PLCL1: variants seen among roughly 807,000 people sequenced by gnomAD.
PLCL1 encodes phospholipase C like 1 (inactive).
A neutral mutation model predicts 84.4 loss-of-function variants in PLCL1; 41 were observed. That is an observed-to-expected ratio of 0.49 (90% CI 0.38 to 0.63). The LOEUF (loss-of-function observed/expected upper bound fraction) is 0.63, where lower values mean the gene tolerates loss of function less well. Ranked by LOEUF, PLCL1 falls within the 30% of genes least tolerant of loss-of-function variation. The probability of loss-of-function intolerance (pLI) is 0.00; values close to 1 mark genes in which losing one functional copy is unlikely to be tolerated. For missense variants in PLCL1, 1,206 were observed against 1,367.8 expected (o/e 0.88, Z 1.87); for synonymous variants, 490 against 488.3 (o/e 1.00, Z -0.05).
chr2:198,085,439 G>A lies in PLCL1; in HGVS notation c.1922G>A (p.Arg641Lys). ...AATTATAATAAGAAGTTCTTATCAA[G>A]AATCTATCCAAGTGCCATGAGGATC... ...FVNYNKKFLS[R>K]IYPSAMRIDS... The change falls in exon 2 of 6, where the codon AGA becomes AAA. Residue 641 changes from arginine (R) to lysine (K), a missense_variant. Transcript: ENST00000428675. The surrounding 1 kb of genome is among the most constrained non-coding windows in gnomAD (Gnocchi z 5.3). 1 of 1,613,394 alleles carries A rather than the reference G, an allele frequency of 6.2e-7. No individual in the cohort carries two copies. Among genetic ancestry groups the A allele is most frequent in the Non-Finnish European group, 8.5e-7 (1 of 1,179,436 alleles).
chr2:197,932,255 C>G (rs1007202663), intron 1 of PLCL1, among the ~76,000 whole-genome samples: 1 of 152,172 alleles, frequency 6.6e-6, no homozygotes, highest in African/African-American at 2.4e-5. Context: ...TTTTCTTCAG[C>G]TTGTGATGGT....
At chr2:197,806,686 T>A (rs186209936) in intron 1 of PLCL1, among the ~76,000 whole-genome samples, 286 of 152,344 alleles carry the variant, frequency 1.9e-3, no homozygotes, top group Non-Finnish European at 3.2e-3. Context: ...AACCCACAGG[T>A]CAGAAAGCAC....
At chr2:198,142,310 G>A (rs1275725515) in intron 5 of PLCL1, among the ~76,000 whole-genome samples, 1 of 152,084 alleles carries the variant, frequency 6.6e-6, no homozygotes, top group East Asian at 1.9e-4. Context: ...AGTATATTAA[G>A]TGTTCAGTAA....
intron 5 of PLCL1, among the ~76,000 whole-genome samples, chr2:198,126,364 G>T (rs1197817916): frequency 6.6e-6 from 1 of 152,110 alleles, no homozygotes; most frequent in Non-Finnish European, 1.5e-5. Context: ...AAAAGCCCTT[G>T]TCTCCTTCTG....
chr2:197,863,163 G>A (rs554942219), intron 1 of PLCL1, among the ~76,000 whole-genome samples: 2 of 134,794 alleles, frequency 1.5e-5, no homozygotes, highest in African/African-American at 2.7e-5. Flanking sequence ...TTCTTAAAGC[G>A]TTTTTTTTTT....
chr2:198,121,814 C>T (rs1418990792), intron 5 of PLCL1, among the ~76,000 whole-genome samples: 1 of 152,062 alleles, frequency 6.6e-6, no homozygotes, highest in African/African-American at 2.4e-5. Context: ...CCCATATGCA[C>T]TGGACTGGCA....
chr2:198,069,566 A>C (rs1405948514), intron 1 of PLCL1, among the ~76,000 whole-genome samples: 1 of 152,142 alleles, frequency 6.6e-6, no homozygotes, highest in Non-Finnish European at 1.5e-5. Flanking sequence ...CTATGAGAGC[A>C]TTTTTTATTT....
chr2:197,969,717 A>G (rs1426377743), intron 1 of PLCL1, among the ~76,000 whole-genome samples: 1 of 152,180 alleles, frequency 6.6e-6, no homozygotes, highest in Admixed American at 6.5e-5. Flanking sequence ...CTTTGGCCAA[A>G]TGACTCACTT....
At chr2:198,138,065 C>A (rs1223435876) in intron 5 of PLCL1, among the ~76,000 whole-genome samples, 1 of 152,166 alleles carries the variant, frequency 6.6e-6, no homozygotes, top group Non-Finnish European at 1.5e-5. Flanking sequence ...CTGTGTCCTG[C>A]AAGATTTCTG....
At chr2:198,119,959 C>T (rs1218324642) in intron 5 of PLCL1, among the ~76,000 whole-genome samples, 1 of 151,978 alleles carries the variant, frequency 6.6e-6, no homozygotes, top group African/African-American at 2.4e-5. Flanking sequence ...TTAATATCCA[C>T]AGTCATGATG....
intron 1 of PLCL1, among the ~76,000 whole-genome samples, chr2:197,918,986 C>T (rs1415989787): frequency 1.3e-5 from 2 of 151,878 alleles, no homozygotes; most frequent in Non-Finnish European, 1.5e-5. Flanking sequence ...CACACACATA[C>T]ACACACAAAG....
intron 5 of PLCL1, among the ~76,000 whole-genome samples, chr2:198,137,848 G>T (rs887992074): frequency 2.0e-5 from 3 of 152,112 alleles, no homozygotes; most frequent in African/African-American, 7.2e-5. Context: ...AATAGGTTCC[G>T]TAGGGGCAGG....
chr2:198,143,933 G>A (rs1373264295), intron 5 of PLCL1, among the ~76,000 whole-genome samples: 1 of 151,528 alleles, frequency 6.6e-6, no homozygotes, highest in East Asian at 1.9e-4. Context: ...CAGCCAGTGT[G>A]TGTTGTCTCC....
intron 1 of PLCL1, among the ~76,000 whole-genome samples, chr2:197,997,455 G>A (rs1411575317): frequency 6.6e-6 from 1 of 152,216 alleles, no homozygotes; most frequent in Non-Finnish European, 1.5e-5. Flanking sequence ...ATCATAACCT[G>A]CAGCCACACC....
At chr2:197,923,014 C>A (rs1179831164) in intron 1 of PLCL1, among the ~76,000 whole-genome samples, 9 of 108,508 alleles carry the variant, frequency 8.3e-5, no homozygotes, top group Middle Eastern at 6.5e-3. Context: ...TCCTCACTTC[C>A]CAGTAGGGGC....
chr2:197,943,898 C>T (rs1255097355), intron 1 of PLCL1, among the ~76,000 whole-genome samples: 1 of 152,060 alleles, frequency 6.6e-6, no homozygotes, highest in African/African-American at 2.4e-5. Context: ...TTTTTCATTC[C>T]TCCTCCTTGG....
At chr2:198,035,192 T>C (rs546563672) in intron 1 of PLCL1, among the ~76,000 whole-genome samples, 3 of 152,342 alleles carry the variant, frequency 2.0e-5, no homozygotes, top group South Asian at 2.1e-4. Context: ...AAAGGAATTA[T>C]AGATATGAAA....
chr2:197,830,690 C>T (rs1310868753), intron 1 of PLCL1, among the ~76,000 whole-genome samples: 10 of 152,002 alleles, frequency 6.6e-5, no homozygotes, highest in Admixed American at 2.0e-4. Context: ...AGATACACCT[C>T]GAGAAGAGCA....
intron 5 of PLCL1, among the ~76,000 whole-genome samples, chr2:198,107,568 T>C (rs150963330): frequency 4.2e-4 from 64 of 152,080 alleles, no homozygotes; most frequent in Middle Eastern, 3.4e-3. Flanking sequence ...ATGTTAGCTG[T>C]TATTTGTTTG....
Sources: allele counts gnomAD v4.1 joint callset (sites outside exome capture counted in the v4.1 genomes callset), GRCh38; gene constraint gnomAD v4.1.1; non-coding constraint Gnocchi (gnomAD v3.1); transcripts MANE v1.5; gene names NCBI Gene and HGNC (gene_info 2026-07-23, HGNC 2026-07-21).